CNIH3: variants seen among roughly 807,000 people sequenced by gnomAD.
CNIH3 encodes cornichon family AMPA receptor auxiliary protein 3.
Under a neutral mutation model 24.1 loss-of-function variants are expected in CNIH3, and 14 were observed. That is an observed-to-expected ratio of 0.58 (90% CI 0.38 to 0.91). CNIH3 has a LOEUF of 0.91. Among genes scored for constraint, CNIH3 ranks in the 40% least tolerant of loss-of-function variants. The pLI, the probability that CNIH3 is intolerant of heterozygous loss-of-function variation, is 0.00. For missense variants in CNIH3, 178 were observed against 196.8 expected (o/e 0.90, Z 0.57); for synonymous variants, 68 against 73.8 (o/e 0.92, Z 0.40).
chr1:224,702,484 A>G (rs542338191), intron 3 of CNIH3, among the ~76,000 whole-genome samples: 1 of 152,220 alleles, frequency 6.6e-6, no homozygotes, highest in South Asian at 2.1e-4. Context: ...GTTTCCCCAC[A>G]CCAGCGTCAC....
intron 3 of CNIH3, among the ~76,000 whole-genome samples, chr1:224,694,063 G>A (rs1207702117): frequency 1.3e-5 from 2 of 152,220 alleles, no homozygotes; most frequent in African/African-American, 4.8e-5. Context: ...CCCAGGGTCT[G>A]GAGAACTGGA....
intron 3 of CNIH3, among the ~76,000 whole-genome samples, chr1:224,695,357 AACACACACACACACACAC>A (rs56245587): frequency 2.1e-5 from 3 of 145,740 alleles, no homozygotes; most frequent in Admixed American, 6.7e-5. Flanking sequence ...TCTCTTTCTA[AACACACACACACACACAC>A]ACACACACAC....
chr1:224,439,407 A>G (rs891274177), intron 1 of CNIH3, among the ~76,000 whole-genome samples: 3 of 152,086 alleles, frequency 2.0e-5, no homozygotes, highest in African/African-American at 7.2e-5. Flanking sequence ...CATTTGATAT[A>G]AATAACAATG....
chr1:224,627,265 C>A (rs886421105), intron 1 of CNIH3, among the ~76,000 whole-genome samples: 1 of 151,996 alleles, frequency 6.6e-6, no homozygotes, highest in African/African-American at 2.4e-5. Flanking sequence ...CTGGCTCTGT[C>A]ACCCAGGCTG....
chr1:224,536,656 C>T (rs1004854138), intron 2 of CNIH3, among the ~76,000 whole-genome samples: 8 of 152,138 alleles, frequency 5.3e-5, no homozygotes, highest in South Asian at 4.2e-4. Context: ...TCCAAGGTGA[C>T]GGGGCAGAGA....
intron 3 of CNIH3, among the ~76,000 whole-genome samples, chr1:224,715,837 C>G (rs1396787786): frequency 6.6e-6 from 1 of 152,158 alleles, no homozygotes; most frequent in Non-Finnish European, 1.5e-5. Flanking sequence ...CCAAACGCCT[C>G]CCATTAGGCC....
Position 224,672,252 on chromosome 1 carries a change from G to A in CNIH3, c.82-8706G>A, listed in dbSNP as rs907254924. On this transcript the variant is annotated intron_variant, in intron 1 of 5. Transcript: ENST00000272133. ...GGGAGTATAAAAGCCTGCTTCCCTG[G>A]GGAGGTGTATATTTTGGGTCAGAAA... 6.3e-4 allele frequency among the ~76,000 whole-genome samples: 96 copies of A among 152,082 alleles called. 2 individuals carry two copies. The highest frequency in any genetic ancestry group is 2.2e-3 in the African/African-American group (91 of 41,408).
In CNIH3 at chr1:224,703,732, AG is replaced by A. The variant is rs1687629687; in HGVS notation, c.198+18891del. 2.6e-5 allele frequency among the ~76,000 whole-genome samples: 4 copies of A among 152,206 alleles called. No individual in the cohort carries two copies. The South Asian group carries it at 8.3e-4, about 32-fold the overall frequency. The stretch of plus-strand genomic sequence containing the variant: ...AGATAGAAGTTCATCTTTTTTCATG[AG>A]GCAAAAATATTCCTAGTATTTTTAT... On this transcript the variant is annotated intron_variant, in intron 3 of 5. Coordinates refer to ENST00000272133, the MANE Select transcript of CNIH3 (RefSeq NM_152495.2). This position sits in a 1 kb window ranked among gnomAD's most constrained non-coding sequence, Gnocchi z 4.2.
At position 224,533,387 on chromosome 1, in the gene CNIH3, C is replaced by CAAA. The variant is rs146941595; in HGVS notation, n.344-3533_344-3531dup. Among the ~76,000 whole-genome samples, 261 of 103,384 alleles carry CAAA rather than the reference C, an allele frequency of 2.5e-3. 1 individual carries two copies. Among genetic ancestry groups the CAAA allele is most frequent in the African/African-American group, 7.3e-3 (233 of 31,896 alleles). The allele number at this position is 103,384 out of a possible 152,430, so 67.8% of individuals were successfully genotyped here. ...AGCTCTGAAGAGTGAGAACCCGTCT[C>CAAA]AAAAAAAAAAAAAAAAAATCAGAGA... is the stretch of plus-strand genomic sequence containing the variant. On this transcript the variant is annotated intron_variant and non_coding_transcript_variant, in intron 2 of 2. Coordinates refer to the CNIH3 transcript ENST00000470602.
chr1:224,490,651 C>T (rs968947856), intron 1 of CNIH3, among the ~76,000 whole-genome samples: 1 of 152,136 alleles, frequency 6.6e-6, no homozygotes, highest in Non-Finnish European at 1.5e-5. Flanking sequence ...ACTTCAAAAA[C>T]CAGAGCCTTC....
chr1:224,441,099 A>G (rs1674891298), intron 1 of CNIH3, among the ~76,000 whole-genome samples: 1 of 152,162 alleles, frequency 6.6e-6, no homozygotes, highest in Non-Finnish European at 1.5e-5. Context: ...TACAGGCGTG[A>G]GCCACCGTGC....
At position 224,704,884 on chromosome 1, in the gene CNIH3, T is replaced by C. The variant is rs1251051135; in HGVS notation, c.198+20041T>C. The stretch of plus-strand genomic sequence containing the variant: ...CAGCACTTTGGGAGACTGAGGTGGG[T>C]GGATCACCTGAGGTCAAGAGTTCAA... On this transcript the variant is annotated intron_variant, in intron 3 of 5. Transcript: ENST00000272133. This position sits in a 1 kb window ranked among gnomAD's most constrained non-coding sequence, Gnocchi z 4.2. 6.6e-6 allele frequency among the ~76,000 whole-genome samples: 1 copy of C among 151,990 alleles called. No homozygotes were observed. The highest frequency in any genetic ancestry group is 1.5e-5 in the Non-Finnish European group (1 of 67,996).
chr1:224,698,400 G>C (rs1687292908), intron 3 of CNIH3, among the ~76,000 whole-genome samples: 1 of 152,182 alleles, frequency 6.6e-6, no homozygotes, highest in South Asian at 2.1e-4. Context: ...TGGCCTTTTA[G>C]TGGTGACATC....
At chr1:224,528,136 T>C (rs1011639910) in intron 2 of CNIH3, among the ~76,000 whole-genome samples, 11 of 152,102 alleles carry the variant, frequency 7.2e-5, no homozygotes, top group African/African-American at 2.7e-4. Flanking sequence ...TGGTGGCACA[T>C]GCCTGTAGTT....
At chr1:224,681,131 C>A in intron 2 of CNIH3, 105 bp downstream of exon 2, 2 of 937,012 alleles carry the variant, frequency 2.1e-6, no homozygotes, top group Non-Finnish European at 1.7e-6. Flanking sequence ...AAAGAACATG[C>A]TCGCCCTCAC....
In CNIH3 at chr1:224,671,138, C is replaced by T. The variant is rs1261304378; in HGVS notation, c.82-9820C>T. 3.9e-5 allele frequency among the ~76,000 whole-genome samples: 6 copies of T among 152,236 alleles called. No homozygotes were observed. In the East Asian group the frequency reaches 1.2e-3, roughly 29 times the overall value. On this transcript the variant is annotated intron_variant, in intron 1 of 5. Coordinates refer to ENST00000272133, the MANE Select transcript of CNIH3 (RefSeq NM_152495.2). ...TGCAGAATTGGGACTTCTCAGCCTC[C>T]ATCATTGCATAAGCCAATTCCTTAA...
chr1:224,687,722 A>G (rs997704632), intron 3 of CNIH3, among the ~76,000 whole-genome samples: 1 of 152,230 alleles, frequency 6.6e-6, no homozygotes, highest in African/African-American at 2.4e-5. Flanking sequence ...ACCCTTGCAC[A>G]GTAACAGACC....
intron 1 of CNIH3, among the ~76,000 whole-genome samples, chr1:224,451,417 T>C (rs545281920): frequency 3.9e-5 from 6 of 152,312 alleles, no homozygotes; most frequent in African/African-American, 1.4e-4. Flanking sequence ...TGGGTAGATA[T>C]TGGAAACTAG....
Position 224,637,138 on chromosome 1 carries a change from A to G in CNIH3, c.81+19883A>G, listed in dbSNP as rs567962656. Among the ~76,000 whole-genome samples the G allele has an allele frequency of 5.9e-5, 9 of 152,070 alleles. No homozygotes were observed. In the South Asian group the frequency reaches 1.9e-3, roughly 32 times the overall value. ...GGCTAATTTTTTTTGTATTTTTAGT[A>G]GAGACGGGGTTTCACTATGTTGGCC... On this transcript the variant is annotated intron_variant, in intron 1 of 5. Coordinates refer to ENST00000272133, the MANE Select transcript of CNIH3 (RefSeq NM_152495.2).
Sources: gnomAD v4.1 joint callset for allele counts (sites outside exome capture counted in the v4.1 genomes callset) on GRCh38, gnomAD v4.1.1 for gene constraint, Gnocchi (gnomAD v3.1) non-coding constraint, MANE v1.5 for transcripts, NCBI Gene and HGNC (gene_info 2026-07-23, HGNC 2026-07-21) for gene names.